RNF214: variants seen among roughly 807,000 people sequenced by gnomAD.
RNF214 encodes the protein ring finger protein 214.
A neutral mutation model predicts 75.9 loss-of-function variants in RNF214; 25 were observed. The observed-to-expected ratio is 0.33, with a 90% CI of 0.24 to 0.46. The LOEUF (loss-of-function observed/expected upper bound fraction) is 0.46, where lower values mean the gene tolerates loss of function less well. Among genes scored for constraint, RNF214 ranks in the 20% least tolerant of loss-of-function variants. The pLI, the probability that RNF214 is intolerant of heterozygous loss-of-function variation, is 1.00. For missense variants in RNF214, 725 were observed against 857.5 expected (o/e 0.85, Z 1.93); for synonymous variants, 314 against 308.8 (o/e 1.02, Z -0.18).
chr11:117,281,189 G>T (rs913948027), intron 8 of RNF214, 125 bp from the exon 9 acceptor site: 2 of 667,858 alleles, frequency 3.0e-6, no homozygotes, highest in African/African-American at 3.6e-5. Flanking sequence ...GCCCAGGCTG[G>T]TCTAGAACTC....
At chr11:117,284,796 G>A (rs2034211617) in intron 14 of RNF214, among the ~76,000 whole-genome samples, 2 of 152,118 alleles carry the variant, frequency 1.3e-5, no homozygotes, top group African/African-American at 4.8e-5. Context: ...CAGGAACGGT[G>A]GTGAACGCCT....
At position 117,263,526 on chromosome 11, in the gene RNF214, G is replaced by A. The variant is rs535953458; in HGVS notation, c.960-16382G>A. On this transcript the variant is annotated intron_variant, in intron 6 of 14. Transcript: ENST00000300650. ...CCTGACCTCATGATCCACCCGCCTCGGCCTCCCAAAGTGCTGGGATTACAG... is the reference window on the plus strand; with the variant it reads ...CCTGACCTCATGATCCACCCGCCTCAGCCTCCCAAAGTGCTGGGATTACAG... 1.1e-4 allele frequency among the ~76,000 whole-genome samples: 17 copies of A among 151,624 alleles called. No individual in the cohort carries two copies. In the East Asian group the frequency reaches 2.4e-3, roughly 21 times the overall value.
At chr11:117,241,298 T>C (rs1174100893) in intron 4 of RNF214, among the ~76,000 whole-genome samples, 3 of 151,584 alleles carry the variant, frequency 2.0e-5, no homozygotes, top group Non-Finnish European at 4.4e-5. Context: ...CTTCTTGCTT[T>C]AGGCCGGGCA....
At chr11:117,250,489 C>T (rs1243140258) in intron 6 of RNF214, among the ~76,000 whole-genome samples, 1 of 150,468 alleles carries the variant, frequency 6.6e-6, no homozygotes, top group Non-Finnish European at 1.5e-5. Flanking sequence ...ATAAGAGATA[C>T]TTGCTGAAGT....
intron 6 of RNF214, among the ~76,000 whole-genome samples, chr11:117,254,719 G>A (rs965140669): frequency 6.6e-6 from 1 of 151,914 alleles, no homozygotes; most frequent in Admixed American, 6.6e-5. Context: ...CGCCTCCTGG[G>A]TTCAAGTGAT....
At chr11:117,237,323 C>T in intron 2 of RNF214, among the ~76,000 whole-genome samples, 1 of 152,222 alleles carries the variant, frequency 6.6e-6, no homozygotes, top group East Asian at 1.9e-4. Flanking sequence ...TCAAATGATC[C>T]TCCTGCCTTG....
chr11:117,255,099 C>T (rs551060594), intron 6 of RNF214, among the ~76,000 whole-genome samples: 164 of 152,302 alleles, frequency 1.1e-3, no homozygotes, highest in African/African-American at 3.4e-3. Flanking sequence ...AACTCCTCTT[C>T]CTCAGAGGTC....
chr11:117,271,527 T>C (rs1300684159), intron 6 of RNF214, among the ~76,000 whole-genome samples: 1 of 152,250 alleles, frequency 6.6e-6, no homozygotes, highest in Admixed American at 6.5e-5. Context: ...TTTGTCCAGT[T>C]GTTTAGTTCT....
chr11:117,251,385 C>T (rs1341179134), intron 6 of RNF214, among the ~76,000 whole-genome samples: 2 of 132,940 alleles, frequency 1.5e-5, no homozygotes, highest in African/African-American at 2.8e-5. Flanking sequence ...GGGGGCTGAC[C>T]CCCCCACCTC....
chr11:117,243,988 G>A (rs1230191658), intron 4 of RNF214, among the ~76,000 whole-genome samples: 3 of 152,054 alleles, frequency 2.0e-5, no homozygotes, highest in Non-Finnish European at 4.4e-5. Flanking sequence ...TCATGTTCCC[G>A]GACGCTTTTT....
chr11:117,281,597 T>A lies in RNF214; in HGVS notation c.1237-3T>A. The stretch of plus-strand genomic sequence containing the variant: ...CAGTAAAAATAATCCTTTTTTTTTT[T>A]AGGACCAATTTAATAGTCATATCCA... On this transcript the variant is annotated splice_polypyrimidine_tract_variant and splice_region_variant and intron_variant, in intron 9 of 14. Coordinates refer to ENST00000300650, the MANE Select transcript of RNF214 (RefSeq NM_207343.4). 2.5e-6 allele frequency: 4 copies of A among 1,600,718 alleles called. No individual in the cohort carries two copies. Among genetic ancestry groups the A allele is most frequent in the East Asian group, 2.2e-5 (1 of 44,794 alleles).
intron 8 of RNF214, among the ~76,000 whole-genome samples, chr11:117,280,889 T>G (rs898273392): frequency 2.0e-5 from 3 of 152,024 alleles, no homozygotes; most frequent in Admixed American, 6.6e-5. Flanking sequence ...AATTCGAATC[T>G]TGGGCTTCTC....
intron 6 of RNF214, among the ~76,000 whole-genome samples, chr11:117,271,238 G>A (rs527249438): frequency 1.7e-4 from 26 of 152,164 alleles, no homozygotes; most frequent in African/African-American, 6.0e-4. Flanking sequence ...TTGGGGTATC[G>A]TTTTCTGTAC....
intron 6 of RNF214, among the ~76,000 whole-genome samples, chr11:117,259,560 C>T (rs1355974690): frequency 6.6e-6 from 1 of 152,154 alleles, no homozygotes; most frequent in Non-Finnish European, 1.5e-5. Flanking sequence ...CTGGTTGCTT[C>T]ACATCTTTGC....
At chr11:117,277,701 G>A in intron 6 of RNF214, among the ~76,000 whole-genome samples, 1 of 152,224 alleles carries the variant, frequency 6.6e-6, no homozygotes, top group East Asian at 1.9e-4. Context: ...GCCAGGCGTG[G>A]TGGCTCACGC....
intron 6 of RNF214, among the ~76,000 whole-genome samples, chr11:117,278,957 C>T (rs142709731): frequency 2.6e-5 from 4 of 152,192 alleles, no homozygotes; most frequent in African/African-American, 4.8e-5. Context: ...ATCAGCCAGG[C>T]GTGCTGGCTT....
intron 6 of RNF214, among the ~76,000 whole-genome samples, chr11:117,259,712 G>A (rs1411403663): frequency 6.6e-6 from 1 of 151,966 alleles, no homozygotes; most frequent in Non-Finnish European, 1.5e-5. Context: ...TTGGCCGTTT[G>A]TATATTTTAT....
intron 6 of RNF214, among the ~76,000 whole-genome samples, chr11:117,247,451 C>T (rs574915860): frequency 4.6e-5 from 7 of 152,294 alleles, no homozygotes; most frequent in East Asian, 3.9e-4. Context: ...GCTGTGATTA[C>T]GCCACTGCAC....
chr11:117,245,303 A>G (rs1429275207), intron 5 of RNF214, among the ~76,000 whole-genome samples: 3 of 150,754 alleles, frequency 2.0e-5, no homozygotes, highest in Non-Finnish European at 4.4e-5. Context: ...TGAGTGACAG[A>G]ACGATACCCT....
Sources: allele counts gnomAD v4.1 joint callset (sites outside exome capture counted in the v4.1 genomes callset), GRCh38; gene constraint gnomAD v4.1.1; transcripts MANE v1.5; gene names NCBI Gene and HGNC (gene_info 2026-07-23, HGNC 2026-07-21).